Variants in TSPAN5 observed in about 807,000 individuals in gnomAD.
The protein encoded by TSPAN5 is tetraspanin-5.
TSPAN5 carries 10 observed loss-of-function variants against 37.1 expected under a neutral mutation model. The ratio of observed to expected loss-of-function variants is 0.27; its 90% confidence interval spans 0.17 to 0.46. TSPAN5 has a LOEUF of 0.46. TSPAN5 is among the 20% of genes least tolerant of loss of function. The pLI is 1.00. For missense variants in TSPAN5, 195 were observed against 326.6 expected, an observed-to-expected ratio of 0.60 and a Z score of 3.11; for synonymous variants, 110 against 118.9, an observed-to-expected ratio of 0.93 and a Z score of 0.48.
At chr4:98,532,949 T>A (rs560778749) in intron 1 of TSPAN5, among the ~76,000 whole-genome samples, 21 of 152,222 alleles carry the variant, frequency 1.4e-4, no homozygotes, top group Non-Finnish European at 2.5e-4. Flanking sequence ...GAGATAATCA[T>A]GCGGTTTTTG....
At chr4:98,550,420 T>C (rs1754585300) in intron 1 of TSPAN5, among the ~76,000 whole-genome samples, 1 of 152,144 alleles carries the variant, frequency 6.6e-6, no homozygotes, top group African/African-American at 2.4e-5. Context: ...CTGTGAAAAA[T>C]AATGTTGGTA....
intron 2 of TSPAN5, among the ~76,000 whole-genome samples, chr4:98,488,497 A>C (rs1311288776): frequency 2.6e-5 from 4 of 152,194 alleles, no homozygotes; most frequent in Non-Finnish European, 5.9e-5. Flanking sequence ...GTCACAGACA[A>C]ATGGTTGAAA....
At chr4:98,507,399 A>G (rs574030629) in intron 2 of TSPAN5, among the ~76,000 whole-genome samples, 1 of 152,356 alleles carries the variant, frequency 6.6e-6, no homozygotes, top group East Asian at 1.9e-4. Flanking sequence ...AATATCCCAT[A>G]GGAACATCGA....
intron 1 of TSPAN5, among the ~76,000 whole-genome samples, chr4:98,576,436 T>C (rs1755237843): frequency 6.6e-6 from 1 of 152,154 alleles, no homozygotes; most frequent in Non-Finnish European, 1.5e-5. Flanking sequence ...ATATTTTGAT[T>C]TAAAAAATGT....
Position 98,546,547 on chromosome 4 carries a change from T to C in TSPAN5, c.82-38819A>G, listed in dbSNP as rs140489519. The stretch of plus-strand genomic sequence containing the variant: ...TGTGAAACCTTTTTGCTTATACATA[T>C]ATACATACATATTTATATCCCAGTT... On this transcript the variant is annotated intron_variant, in intron 1 of 7. Coordinates refer to ENST00000305798, the MANE Select transcript of TSPAN5 (RefSeq NM_005723.4). 4.2e-3 allele frequency among the ~76,000 whole-genome samples: 643 copies of C among 152,338 alleles called. 8 individuals carry two copies. Among genetic ancestry groups the C allele is most frequent in the Non-Finnish European group, 4.6e-3 (315 of 68,036 alleles).
chr4:98,529,745 A>C (rs1560524995), intron 1 of TSPAN5, among the ~76,000 whole-genome samples: 1 of 152,210 alleles, frequency 6.6e-6, no homozygotes, highest in Non-Finnish European at 1.5e-5. Flanking sequence ...TTGGGGATTC[A>C]GTTTCATTTA....
intron 1 of TSPAN5, among the ~76,000 whole-genome samples, chr4:98,528,160 A>G (rs964113487): frequency 1.1e-4 from 17 of 152,190 alleles, no homozygotes; most frequent in Non-Finnish European, 2.2e-4. Context: ...CCAGCTGTGC[A>G]CAGGATTATG....
intron 2 of TSPAN5, among the ~76,000 whole-genome samples, chr4:98,505,299 A>C (rs1753451673): frequency 6.6e-6 from 1 of 152,018 alleles, no homozygotes; most frequent in African/African-American, 2.4e-5. Flanking sequence ...AATATATCCA[A>C]ACTTCTTGCA....
intron 3 of TSPAN5, 26 bp downstream of exon 3, chr4:98,486,712 C>A (rs1196462294): frequency 6.2e-7 from 1 of 1,613,418 alleles, no homozygotes; most frequent in Admixed American, 1.7e-5. Flanking sequence ...GGCTCTCAAT[C>A]TGAGAGTAGA....
chr4:98,529,295 G>GA (rs2110126530), intron 1 of TSPAN5, among the ~76,000 whole-genome samples: 1 of 152,326 alleles, frequency 6.6e-6, no homozygotes, highest in African/African-American at 2.4e-5. Flanking sequence ...ATGTGCCCTC[G>GA]AAAATCAATG....
intron 7 of TSPAN5, 67 bp downstream of exon 7, chr4:98,476,122 C>T (rs1022398256): frequency 1.2e-5 from 15 of 1,272,992 alleles, no homozygotes; most frequent in Admixed American, 7.1e-5. Context: ...AGCAAAGCTC[C>T]GATCCTGGCA....
intron 2 of TSPAN5, among the ~76,000 whole-genome samples, chr4:98,505,777 C>T (rs985439583): frequency 7.2e-5 from 11 of 152,310 alleles, no homozygotes; most frequent in South Asian, 6.2e-4. Flanking sequence ...GGCTGGTGCA[C>T]GGCTAACACC....
intron 1 of TSPAN5, among the ~76,000 whole-genome samples, chr4:98,568,814 G>A (rs1755061441): frequency 6.6e-6 from 1 of 152,184 alleles, no homozygotes; most frequent in Non-Finnish European, 1.5e-5. Flanking sequence ...AGAATTGAAA[G>A]TATTATATCT....
chr4:98,534,862 G>C (rs1402558163), intron 1 of TSPAN5, among the ~76,000 whole-genome samples: 1 of 151,606 alleles, frequency 6.6e-6, no homozygotes, highest in Non-Finnish European at 1.5e-5. Context: ...TGTTTGTTTG[G>C]TTTTGGCTTT....
intron 1 of TSPAN5, among the ~76,000 whole-genome samples, chr4:98,548,127 T>C (rs957322717): frequency 2.0e-5 from 3 of 152,070 alleles, no homozygotes; most frequent in Non-Finnish European, 4.4e-5. Flanking sequence ...CACGGTCTCT[T>C]AGAAAGCATA....
intron 1 of TSPAN5, among the ~76,000 whole-genome samples, chr4:98,536,027 C>T (rs1367397608): frequency 1.5e-4 from 23 of 152,164 alleles, no homozygotes; most frequent in Non-Finnish European, 4.4e-5. Context: ...AAGCCTACTT[C>T]TGTCAATTCG....
At position 98,603,507 on chromosome 4, in the gene TSPAN5, G is replaced by A. The variant is rs191307158; in HGVS notation, c.81+54639C>T. On this transcript the variant is annotated intron_variant, in intron 1 of 7. Transcript: ENST00000305798. ...GTTGGCCAGCTCAAACTAGCGCATG[G>A]AAGAAAAACAAAATCAGTGCCTTGG... is the stretch of plus-strand genomic sequence containing the variant. 1.6e-3 allele frequency among the ~76,000 whole-genome samples: 248 copies of A among 152,292 alleles called. 2 individuals carry two copies. The highest frequency in any genetic ancestry group is 4.5e-3 in the Admixed American group (69 of 15,290).
At chr4:98,549,307 T>TCG (rs200119832) in intron 1 of TSPAN5, among the ~76,000 whole-genome samples, 1 of 146,370 alleles carries the variant, frequency 6.8e-6, no homozygotes, top group African/African-American at 2.6e-5. Context: ...TTTTTGTTTT[T>TCG]TTTTGTTTTT....
chr4:98,507,509 TTCCTAAAGTG>T (rs1234442040), intron 2 of TSPAN5, among the ~76,000 whole-genome samples, 159 bp downstream of exon 2: 6 of 152,208 alleles, frequency 3.9e-5, no homozygotes, highest in African/African-American at 1.4e-4. Context: ...TTAGGCACAA[TTCCTAAAGTG>T]TCTTTGAGAG....
Sources: allele counts gnomAD v4.1 joint callset (sites outside exome capture counted in the v4.1 genomes callset), GRCh38; gene constraint gnomAD v4.1.1; transcripts MANE v1.5; gene names NCBI Gene and HGNC (gene_info 2026-07-23, HGNC 2026-07-21).